PRKCE: variants seen among roughly 807,000 people sequenced by gnomAD.
PRKCE encodes protein kinase C epsilon, also known as protein kinase C epsilon type.
PRKCE carries 16 observed loss-of-function variants against 85.4 expected under a neutral mutation model. That is an observed-to-expected ratio of 0.19 (90% CI 0.13 to 0.28). PRKCE has a LOEUF of 0.28. Ranked by LOEUF, PRKCE falls within the 10% of genes least tolerant of loss-of-function variation. The pLI is 1.00. For synonymous variants in PRKCE, 388 were observed against 371.5 expected, an observed-to-expected ratio of 1.04 and a Z score of -0.51; for missense variants, 573 against 975.2, an observed-to-expected ratio of 0.59 and a Z score of 5.49.
chr2:45,792,114 C>T (rs1687080961), intron 1 of PRKCE, among the ~76,000 whole-genome samples: 1 of 152,108 alleles, frequency 6.6e-6, no homozygotes, highest in African/African-American at 2.4e-5. Flanking sequence ...GTGCTGGCAT[C>T]TGCTTGGCAT....
intron 1 of PRKCE, among the ~76,000 whole-genome samples, chr2:45,833,076 G>C (rs1690566433): frequency 6.6e-6 from 1 of 151,120 alleles, no homozygotes; most frequent in Admixed American, 6.6e-5. Context: ...CCAGCACTTT[G>C]GGAGGCCGAG....
chr2:45,926,171 G>A (rs945173175), intron 2 of PRKCE, among the ~76,000 whole-genome samples: 1 of 152,122 alleles, frequency 6.6e-6, no homozygotes, highest in South Asian at 2.1e-4. Flanking sequence ...ATGAATTTTC[G>A]GCCTGCTGCT....
intron 14 of PRKCE, among the ~76,000 whole-genome samples, chr2:46,175,072 C>T (rs1207228597): frequency 6.6e-6 from 1 of 152,054 alleles, no homozygotes; most frequent in African/African-American, 2.4e-5. Context: ...AAAATCCTTC[C>T]TTCCTTGTTT....
At position 45,966,082 on chromosome 2, in the gene PRKCE, C is replaced by T. The variant is rs146944160; in HGVS notation, c.413-10347C>T. On this transcript the variant is annotated intron_variant, in intron 2 of 14. Coordinates refer to ENST00000306156, the MANE Select transcript of PRKCE (RefSeq NM_005400.3). The stretch of plus-strand genomic sequence containing the variant: ...AGGCTATTTTGCCATCCTTGGGAGG[C>T]GTGGATGGCTGGGCCAGGGTGGGAA... Among the ~76,000 whole-genome samples the T allele has an allele frequency of 4.0e-3, 611 of 152,120 alleles. 3 individuals carry two copies. Among genetic ancestry groups the T allele is most frequent in the African/African-American group, 0.014 (577 of 41,510 alleles).
chr2:45,671,845 G>C (rs1048930465), intron 1 of PRKCE, among the ~76,000 whole-genome samples: 10 of 152,192 alleles, frequency 6.6e-5, no homozygotes, highest in Non-Finnish European at 1.5e-4. Context: ...GAGGCAGGGG[G>C]ATTGCTTGAG....
intron 1 of PRKCE, among the ~76,000 whole-genome samples, chr2:45,803,183 G>C (rs1301002197): frequency 6.6e-6 from 1 of 152,214 alleles, no homozygotes; most frequent in African/African-American, 2.4e-5. Context: ...TATGAGCTTT[G>C]AAGAAAAAGG....
chr2:45,918,022 C>T (rs902000591), intron 2 of PRKCE, among the ~76,000 whole-genome samples: 3 of 152,244 alleles, frequency 2.0e-5, no homozygotes, highest in African/African-American at 7.2e-5. Flanking sequence ...CCCGCTAGCG[C>T]CGCGCGCAGC....
intron 2 of PRKCE, among the ~76,000 whole-genome samples, chr2:45,926,209 G>A (rs1698603661): frequency 6.6e-6 from 1 of 152,246 alleles, no homozygotes; most frequent in East Asian, 1.9e-4. Context: ...GGCCTGCAAT[G>A]ATATGCAAGG....
At chr2:46,137,486 C>A (rs564120475) in intron 11 of PRKCE, among the ~76,000 whole-genome samples, 1 of 151,738 alleles carries the variant, frequency 6.6e-6, no homozygotes, top group Non-Finnish European at 1.5e-5. Flanking sequence ...CACGGTGGCT[C>A]ATGCCTGTAA....
chr2:45,671,334 C>T (rs1393665014), intron 1 of PRKCE, among the ~76,000 whole-genome samples: 3 of 152,170 alleles, frequency 2.0e-5, no homozygotes, highest in Non-Finnish European at 4.4e-5. Context: ...TGAATGAGCA[C>T]CTGGATGTCT....
intron 11 of PRKCE, among the ~76,000 whole-genome samples, chr2:46,102,344 A>G (rs565620657): frequency 9.3e-4 from 142 of 152,306 alleles, no homozygotes; most frequent in Non-Finnish European, 1.4e-3. Flanking sequence ...GATAATGTCA[A>G]AGTTCAATAA....
intron 1 of PRKCE, among the ~76,000 whole-genome samples, chr2:45,768,468 G>C (rs763724345): frequency 4.7e-4 from 72 of 152,148 alleles, no homozygotes; most frequent in Non-Finnish European, 9.3e-4. Flanking sequence ...AGAAATGAAG[G>C]ACATTTTAGC....
intron 9 of PRKCE, among the ~76,000 whole-genome samples, chr2:46,008,408 G>C (rs1705384326): frequency 1.3e-5 from 2 of 152,204 alleles, no homozygotes; most frequent in Admixed American, 6.5e-5. Flanking sequence ...AAGGGGCAGG[G>C]AGCAGAGGAA....
intron 1 of PRKCE, among the ~76,000 whole-genome samples, chr2:45,686,585 A>T (rs1271686123): frequency 6.6e-6 from 1 of 152,186 alleles, no homozygotes; most frequent in East Asian, 1.9e-4. Flanking sequence ...AGAGAAAAAC[A>T]ACAAGGTAGA....
intron 11 of PRKCE, among the ~76,000 whole-genome samples, chr2:46,126,311 T>TCA (rs756282915): frequency 5.5e-4 from 83 of 152,256 alleles, no homozygotes; most frequent in Non-Finnish European, 8.5e-4. Context: ...TAAACAAGAC[T>TCA]CAGTTCCTTT....
chr2:45,757,449 G>T (rs893779695), intron 1 of PRKCE, among the ~76,000 whole-genome samples: 1 of 151,972 alleles, frequency 6.6e-6, no homozygotes, highest in Non-Finnish European at 1.5e-5. Context: ...GGAGAATTGC[G>T]TGTGGACAGG....
chr2:45,769,393 G>A (rs1429806006), intron 1 of PRKCE, among the ~76,000 whole-genome samples: 2 of 152,096 alleles, frequency 1.3e-5, no homozygotes, highest in South Asian at 2.1e-4. Flanking sequence ...GGGCTGGGAG[G>A]GGTGTGTGTG....
chr2:45,792,334 G>C (rs1687097377), intron 1 of PRKCE, among the ~76,000 whole-genome samples: 1 of 152,158 alleles, frequency 6.6e-6, no homozygotes, highest in Non-Finnish European at 1.5e-5. Context: ...CACCTCTCAT[G>C]AGGCCCCACC....
intron 10 of PRKCE, among the ~76,000 whole-genome samples, chr2:46,033,450 T>G (rs193238608): frequency 2.2e-3 from 330 of 152,328 alleles, no homozygotes; most frequent in African/African-American, 7.5e-3. Flanking sequence ...TTAGTGTTTT[T>G]GGATCTCCCA....
Sources: allele counts gnomAD v4.1 joint callset (sites outside exome capture counted in the v4.1 genomes callset), GRCh38; gene constraint gnomAD v4.1.1; transcripts MANE v1.5; gene names NCBI Gene and HGNC (gene_info 2026-07-23, HGNC 2026-07-21).